Variants in RGS3 observed in about 807,000 individuals in gnomAD.
The protein encoded by RGS3 is regulator of G-protein signalling 3.
In RGS3, 80 loss-of-function variants were observed where a neutral mutation model predicts 132.6. The ratio of observed to expected loss-of-function variants is 0.60; its 90% confidence interval spans 0.50 to 0.73. The LOEUF is 0.73. Among genes scored for constraint, RGS3 ranks in the 30% least tolerant of loss-of-function variants. RGS3 has a pLI of 0.00. For missense variants in RGS3, 1,382 were observed against 1,530.8 expected (o/e 0.90, Z 1.62); for synonymous variants, 598 against 620.6 (o/e 0.96, Z 0.54).
chr9:113,588,495 C>A (rs1835240269), intron 20 of RGS3, among the ~76,000 whole-genome samples: 1 of 152,152 alleles, frequency 6.6e-6, no homozygotes, highest in Non-Finnish European at 1.5e-5. Flanking sequence ...GGGCTCTGGA[C>A]CCAGACCACA....
chr9:113,583,381 T>G, intron 19 of RGS3, 69 bp from the exon 18 acceptor site: 1 of 1,557,982 alleles, frequency 6.4e-7, no homozygotes. Flanking sequence ...TCATGTCAGC[T>G]CATGCATGGT....
chr9:113,594,598 G>A, intron 22 of RGS3, 67 bp downstream of exon 20: 1 of 1,341,302 alleles, frequency 7.5e-7, no homozygotes, highest in Non-Finnish European at 1.1e-6. Context: ...GTAGGACTGA[G>A]TGGTAGGGTT....
chr9:113,475,262 G>T (rs562557119), intron 3 of RGS3, among the ~76,000 whole-genome samples: 2 of 152,228 alleles, frequency 1.3e-5, no homozygotes, highest in South Asian at 4.1e-4. Context: ...TGGGAACAGG[G>T]GACATGCCCT....
At position 113,463,705 on chromosome 9, in the gene RGS3, C is replaced by T. The variant is rs1389703225; in HGVS notation, c.415+1504C>T. 36 of 1,442,252 alleles carry T rather than the reference C, an allele frequency of 2.5e-5. No individual in the cohort carries two copies. In the Admixed American group the frequency reaches 4.7e-4, roughly 19 times the overall value. The allele number at this position is 1,442,252 out of a possible 1,614,324, so 89.3% of individuals were successfully genotyped here. On this transcript the variant is annotated intron_variant, in intron 3 of 24. Transcript: ENST00000350696. This position sits in a 1 kb window ranked among gnomAD's most constrained non-coding sequence, Gnocchi z 4.6. ...CCAACGCTTGGGGCAGCCCTACCTC[C>T]CGCTCGCGCTCCTCCCGCCCTGGAG...
At chr9:113,493,733 T>C (rs1830594542) in intron 7 of RGS3, among the ~76,000 whole-genome samples, 1 of 152,158 alleles carries the variant, frequency 6.6e-6, no homozygotes, top group South Asian at 2.1e-4. Flanking sequence ...TTCTCCAGGC[T>C]CCCATGCTCG....
At chr9:113,501,816 T>C (rs769234814) in intron 10 of RGS3, among the ~76,000 whole-genome samples, 6 of 152,158 alleles carry the variant, frequency 3.9e-5, no homozygotes, top group Non-Finnish European at 7.3e-5. Flanking sequence ...AGGGCCCAGC[T>C]CTGTATGGAG....
At chr9:113,576,094 G>T (rs957957921) in intron 19 of RGS3, among the ~76,000 whole-genome samples, 15 of 151,952 alleles carry the variant, frequency 9.9e-5, no homozygotes, top group Non-Finnish European at 1.9e-4. Context: ...CAGCTACTTG[G>T]GGGGCTGAGG....
intron 19 of RGS3, among the ~76,000 whole-genome samples, chr9:113,567,846 G>A (rs1834081610): frequency 6.6e-6 from 1 of 152,220 alleles, no homozygotes; most frequent in Non-Finnish European, 1.5e-5. Flanking sequence ...AACCAGAGTA[G>A]GTCTGGGGTT....
At chr9:113,478,062 G>A (rs1328404291) in intron 3 of RGS3, among the ~76,000 whole-genome samples, 1 of 152,188 alleles carries the variant, frequency 6.6e-6, no homozygotes, top group Non-Finnish European at 1.5e-5. Context: ...GTATCTGTGA[G>A]GATGACCTGA....
At chr9:113,527,084 G>A (rs116319811) in intron 17 of RGS3, among the ~76,000 whole-genome samples, 2,245 of 152,312 alleles carry the variant, frequency 0.015, 42 homozygotes, top group African/African-American at 0.048. Context: ...AGGCTGTGAC[G>A]TGGAACAGAT....
chr9:113,473,765 T>C lies in RGS3; in HGVS notation c.416-5726T>C, dbSNP rs541856787. Reference sequence around the variant, plus strand: ...AAGTAGTAACCATTTCACGGAGTTATTGTGAGGAGTAAAAGAAATAAAAAG... The same window carrying C: ...AAGTAGTAACCATTTCACGGAGTTACTGTGAGGAGTAAAAGAAATAAAAAG... On this transcript the variant is annotated intron_variant, in intron 3 of 24. Coordinates refer to ENST00000350696, the Ensembl canonical transcript of RGS3. Among the ~76,000 whole-genome samples the C allele has an allele frequency of 2.3e-4, 35 of 152,300 alleles. No individual in the cohort carries two copies. In the East Asian group the frequency reaches 5.4e-3, roughly 23 times the overall value.
At chr9:113,487,393 G>C (rs560708048) in intron 7 of RGS3, among the ~76,000 whole-genome samples, 71 of 151,840 alleles carry the variant, frequency 4.7e-4, no homozygotes, top group African/African-American at 1.6e-3. Context: ...TTACAGGCGT[G>C]AGCCACCGCG....
chr9:113,473,073 T>A (rs1187461308), intron 3 of RGS3, among the ~76,000 whole-genome samples: 1 of 152,108 alleles, frequency 6.6e-6, no homozygotes, highest in African/African-American at 2.4e-5. Context: ...ATGTATGATA[T>A]GTTAATTATA....
chr9:113,586,295 CT>C (rs1172900382), intron 20 of RGS3, among the ~76,000 whole-genome samples: 1 of 152,242 alleles, frequency 6.6e-6, no homozygotes. Flanking sequence ...CCACTACACC[CT>C]TCCCAGTTCT....
intron 15 of RGS3, among the ~76,000 whole-genome samples, chr9:113,515,505 C>G (rs952570955): frequency 6.6e-6 from 1 of 152,190 alleles, no homozygotes; most frequent in South Asian, 2.1e-4. Flanking sequence ...GTGGCAGGCG[C>G]CTGTAATCCC....
chr9:113,594,110 G>A (rs1835603869), intron 21 of RGS3: 18 of 1,613,022 alleles, frequency 1.1e-5, no homozygotes, highest in Non-Finnish European at 1.5e-5. Context: ...TCCCAGCCCC[G>A]GCTTGTGCCT....
chr9:113,585,646 G>C (rs908203817), intron 20 of RGS3, among the ~76,000 whole-genome samples: 3 of 152,246 alleles, frequency 2.0e-5, no homozygotes, highest in Non-Finnish European at 2.9e-5. Flanking sequence ...CAGAGAGGTA[G>C]AGGCAAGCAT....
intron 7 of RGS3, among the ~76,000 whole-genome samples, chr9:113,490,715 A>G (rs1239393289): frequency 8.8e-6 from 1 of 113,364 alleles, no homozygotes; most frequent in African/African-American, 3.8e-5. Context: ...TTATATTGGT[A>G]TATATAATTA....
In RGS3 at chr9:113,507,691, C is replaced by T; in HGVS notation, c.1437+53C>T. Reference sequence around the variant, plus strand: ...AAGGGTACTGGGTCCCTGTGGGAGGCCAGGAAGACTTGAAGACCCAAAGTT... The same window carrying T: ...AAGGGTACTGGGTCCCTGTGGGAGGTCAGGAAGACTTGAAGACCCAAAGTT... On this transcript the variant is annotated intron_variant, in intron 13 of 24. Coordinates refer to ENST00000350696, the Ensembl canonical transcript of RGS3. The surrounding 1 kb of genome is among the most constrained non-coding windows in gnomAD (Gnocchi z 5.0). The T allele has an allele frequency of 2.9e-6, 4 of 1,384,024 alleles. No individual in the cohort carries two copies. The highest frequency in any genetic ancestry group is 2.9e-5 in the Admixed American group (1 of 33,930). 85.7% of individuals were successfully genotyped at this position (1,384,024 alleles called of 1,614,324 possible).
Sources: gnomAD v4.1 joint callset for allele counts (sites outside exome capture counted in the v4.1 genomes callset) on GRCh38, gnomAD v4.1.1 for gene constraint, Gnocchi (gnomAD v3.1) non-coding constraint, MANE v1.5 for transcripts, NCBI Gene and HGNC (gene_info 2026-07-23, HGNC 2026-07-21) for gene names.